The following C2orf49 variants were observed in gnomAD, a reference collection of about 807,000 sequenced individuals.
C2orf49 encodes tRNA splicing ligase complex subunit 2.
C2orf49 carries 11 observed loss-of-function variants against 20.6 expected under a neutral mutation model. The ratio of observed to expected loss-of-function variants is 0.53; its 90% CI spans 0.34 to 0.88. The LOEUF (loss-of-function observed/expected upper bound fraction) is 0.88. Among genes scored for constraint, C2orf49 ranks in the 40% least tolerant of loss-of-function variants. C2orf49 has a pLI of 0.02. For synonymous variants in C2orf49, 134 were observed against 108.5 expected, an observed-to-expected ratio of 1.24 and a Z score of -1.46; for missense variants, 289 against 274.2, an observed-to-expected ratio of 1.05 and a Z score of -0.38.
At chr2:105,366,061 C>G in the C2orf49 span, among the ~76,000 whole-genome samples, 2 of 150,768 alleles carry the variant, frequency 1.3e-5, no homozygotes, top group Non-Finnish European at 3.0e-5. Context: ...CAAAAAAAAC[C>G]GGCTGGGCAT....
chr2:105,377,854 C>A, the C2orf49 span: 7 of 357,670 alleles, frequency 2.0e-5, no homozygotes, highest in South Asian at 8.7e-5. Context: ...TCCTTGGCCT[C>A]TCTCTGGGAA....
the C2orf49 span, chr2:105,373,871 GC>G: frequency 1.4e-6 from 1 of 701,736 alleles, no homozygotes; most frequent in Non-Finnish European, 2.4e-6. Context: ...CCACATTCAT[GC>G]CCCAGGACCA....
At chr2:105,357,328 C>A in the C2orf49 span, among the ~76,000 whole-genome samples, 1 of 152,184 alleles carries the variant, frequency 6.6e-6, no homozygotes, top group Admixed American at 6.5e-5. Context: ...TAACTCAAAT[C>A]TACTACTGAG....
chr2:105,342,707 A>G (rs1474629783), intron 2 of C2orf49, 141 bp from the exon 3 acceptor site: 3 of 756,234 alleles, frequency 4.0e-6, no homozygotes, highest in Non-Finnish European at 6.1e-6. Flanking sequence ...TAGAATGAAC[A>G]TAGAAAATTT....
At chr2:105,355,770 TTGTG>T in the C2orf49 span, among the ~76,000 whole-genome samples, 4,193 of 143,126 alleles carry the variant, frequency 0.029, 91 homozygotes, top group East Asian at 0.12. Context: ...AGAAAAAATT[TTGTG>T]TGTGTGTGTG....
chr2:105,369,725 C>A, the C2orf49 span, among the ~76,000 whole-genome samples: 15 of 152,228 alleles, frequency 9.9e-5, 1 homozygote. Flanking sequence ...CTTTGGATCT[C>A]TGACATTCAT....
chr2:105,359,407 CATT>C, the C2orf49 span: 1 of 152,186 alleles, frequency 6.6e-6, no homozygotes, highest in Non-Finnish European at 1.5e-5. Flanking sequence ...TCATTCCAGA[CATT>C]ATCAAACATT....
At chr2:105,377,905 G>A in the C2orf49 span, 1 of 384,442 alleles carries the variant, frequency 2.6e-6, no homozygotes, top group South Asian at 2.0e-5. Context: ...GCCCAGGGAG[G>A]AGGCATTACG....
At chr2:105,379,310 T>G in the C2orf49 span, among the ~76,000 whole-genome samples, 1 of 152,210 alleles carries the variant, frequency 6.6e-6, no homozygotes, top group South Asian at 2.1e-4. Context: ...AGACCACAGC[T>G]AATAATGAGA....
the C2orf49 span, among the ~76,000 whole-genome samples, chr2:105,368,207 C>A: frequency 6.6e-6 from 1 of 152,178 alleles, no homozygotes; most frequent in Non-Finnish European, 1.5e-5. Context: ...GAACCTGGAA[C>A]CTCGAACCTG....
chr2:105,339,055 G>A (rs1333993554), intron 1 of C2orf49, among the ~76,000 whole-genome samples: 14 of 152,204 alleles, frequency 9.2e-5, no homozygotes, highest in South Asian at 6.2e-4. Context: ...TCGTCAGTAC[G>A]GGAATAACAG....
At chr2:105,354,970 G>A in the C2orf49 span, among the ~76,000 whole-genome samples, 1 of 152,194 alleles carries the variant, frequency 6.6e-6, no homozygotes, top group Non-Finnish European at 1.5e-5. Flanking sequence ...GCACAGAAGA[G>A]CTGACAGGCT....
chr2:105,352,329 A>G (rs942552694), downstream of C2orf49, among the ~76,000 whole-genome samples: 38 of 151,822 alleles, frequency 2.5e-4, no homozygotes, highest in African/African-American at 9.0e-4. Flanking sequence ...CATCCATTCA[A>G]CAGTTTTAAG....
intron 2 of C2orf49, among the ~76,000 whole-genome samples, chr2:105,340,147 A>G (rs549620877): frequency 5.9e-5 from 9 of 152,234 alleles, no homozygotes; most frequent in Non-Finnish European, 1.0e-4. Context: ...ACCAGGAACA[A>G]CAAAGCAGCT....
intron 2 of C2orf49, among the ~76,000 whole-genome samples, chr2:105,340,120 G>T (rs1001872640): frequency 3.3e-5 from 5 of 152,188 alleles, no homozygotes; most frequent in African/African-American, 1.2e-4. Context: ...GCTGGATCTG[G>T]AATGTGCCCA....
At chr2:105,354,379 C>G in the C2orf49 span, among the ~76,000 whole-genome samples, 3 of 152,068 alleles carry the variant, frequency 2.0e-5, no homozygotes, top group Admixed American at 1.3e-4. Flanking sequence ...TTTTATTATA[C>G]CCTGGCCAGG....
At chr2:105,377,922 G>A in the C2orf49 span, 1 of 401,010 alleles carries the variant, frequency 2.5e-6, no homozygotes, top group Non-Finnish European at 5.1e-6. Context: ...TACGCCCAGA[G>A]GGGTGGCAAG....
In C2orf49 at chr2:105,348,550, A is replaced by ATATG. The variant is rs1488961950; in HGVS notation, c.*3182_*3183insGTAT. On this transcript the variant is annotated 3_prime_UTR_variant, in exon 4 of 4. Transcript: ENST00000258457. ...ATCATATATATATATATATATATAT[A>ATATG]TATATATGTAAGAGCTTCCTCTATT... 1 of 147,642 alleles carries ATATG rather than the reference A, an allele frequency of 6.8e-6. No individual in the cohort carries two copies. Among genetic ancestry groups the ATATG allele is most frequent in the Non-Finnish European group, 1.5e-5 (1 of 67,030 alleles). 9.1% of individuals were successfully genotyped at this position (147,642 alleles called of 1,614,324 possible). A position where few individuals can be genotyped will look rare whatever the true frequency, so the allele number is the denominator to read the frequency against.
chr2:105,367,339 G>A, the C2orf49 span, among the ~76,000 whole-genome samples: 1 of 152,186 alleles, frequency 6.6e-6, no homozygotes. Context: ...TCTAGAAGAA[G>A]GCAGGGTTAA....
Sources: allele counts gnomAD v4.1 joint callset (sites outside exome capture counted in the v4.1 genomes callset), GRCh38; gene constraint gnomAD v4.1.1; transcripts MANE v1.5; gene names NCBI Gene and HGNC (gene_info 2026-07-23, HGNC 2026-07-21).